The following NGRN variants were observed in gnomAD, a reference collection of about 807,000 sequenced individuals.
The protein encoded by NGRN is neugrin.
In NGRN, 12 loss-of-function variants were observed where a neutral mutation model predicts 13.1. The observed-to-expected ratio is 0.92, with a 90% CI of 0.59 to 1.49. The LOEUF (loss-of-function observed/expected upper bound fraction) is 1.49. Among genes scored for constraint, NGRN ranks in the 40% most tolerant of loss-of-function variants. The probability of loss-of-function intolerance (pLI) is 0.00; values close to 1 mark genes in which losing one functional copy is unlikely to be tolerated. For synonymous variants in NGRN, 149 were observed against 145.8 expected (o/e 1.02, Z -0.16); for missense variants, 397 against 357.0 (o/e 1.11, Z -0.90).
At chr15:90,266,564 C>T (rs1449317537) in intron 2 of NGRN, among the ~76,000 whole-genome samples, 166 bp downstream of exon 2, 1 of 152,140 alleles carries the variant, frequency 6.6e-6, no homozygotes, top group Admixed American at 6.5e-5. Flanking sequence ...ACTTCCCTAA[C>T]CCTGTCATTA....
intron 1 of NGRN, 62 bp from the exon 2 acceptor site, chr15:90,266,226 G>A: frequency 6.4e-7 from 1 of 1,559,944 alleles, no homozygotes; most frequent in South Asian, 1.2e-5. Flanking sequence ...TTTAGCCTGA[G>A]GCTCTTCAAA....
chr15:90,266,094 G>A, intron 1 of NGRN, 194 bp from the exon 2 acceptor site: 1 of 1,433,292 alleles, frequency 7.0e-7, no homozygotes. Flanking sequence ...AGAGAGTTCG[G>A]CATGCTTACA....
rs1336272952 is a variant in NGRN, at chr15:90,271,375, G to A, written c.463G>A (p.Gly155Ser). The change falls in exon 3 of 3, where the codon GGC becomes AGC. Residue 155 changes from glycine to serine, a missense_variant. Coordinates refer to ENST00000379095, the MANE Select transcript of NGRN (RefSeq NM_001033088.3). The part of the protein sequence containing the change: ...GLAHSLQHLR[G>S]SGNTSKLLPA... ...TGCCCACTCGCTGCAGCACCTCCGG[G>A]GCTCTGGAAATACCTCAAAGCTGCT... 7 of 1,613,882 alleles carry A rather than the reference G, an allele frequency of 4.3e-6. No individual in the cohort carries two copies. Among genetic ancestry groups the A allele is most frequent in the African/African-American group, 1.3e-5 (1 of 74,894 alleles).
chr15:90,266,229 T>C (rs1963417422), intron 1 of NGRN, 59 bp from the exon 2 acceptor site: 2 of 1,564,216 alleles, frequency 1.3e-6, no homozygotes, highest in South Asian at 2.3e-5. Context: ...AGCCTGAGGC[T>C]CTTCAAACAT....
In NGRN at chr15:90,271,676, G is replaced by A. The variant is rs576726062; in HGVS notation, c.764G>A (p.Gly255Asp). 3.7e-6 allele frequency: 6 copies of A among 1,614,204 alleles called. No individual in the cohort carries two copies. Among genetic ancestry groups the A allele is most frequent in the East Asian group, 4.5e-5 (2 of 44,880 alleles). Residue 255 changes from glycine to aspartate, a missense_variant, in exon 3 of 3, where the codon GGT (glycine) becomes GAT (aspartate). Physicochemically the swap from Gly to Asp is moderately conservative, Grantham distance 94 (BLOSUM62 -1). Transcript: ENST00000379095. ...RGTGSGALPSGQKLEELKAEE... is the reference protein window; with the variant it reads ...RGTGSGALPSDQKLEELKAEE... ...ACTGGCAGTGGTGCGTTGCCAAGTG[G>A]TCAGAAGCTGGAGGAGTTGAAGGCA... is the stretch of plus-strand genomic sequence containing the variant.
Position 90,271,615 on chromosome 15 carries a change from C to T in NGRN, c.703C>T (p.Gln235Ter). Residue 235 changes from glutamine (Q) to a stop codon, truncating the protein, a stop_gained, in exon 3 of 3, where the codon CAG (glutamine) becomes TAG (stop). Transcript: ENST00000379095. LOFTEE classifies it low-confidence loss of function (END_TRUNC). ...AAPLGHPREL[Q>*]KYSSDSESPR... The stretch of plus-strand genomic sequence containing the variant: ...ACCCCTAGGTCATCCAAGAGAGCTG[C>T]AGAAGTACTCCAGTGATTCTGAGAG... 1 of 1,614,172 alleles carries T rather than the reference C, an allele frequency of 6.2e-7. No homozygotes were observed. Among genetic ancestry groups the T allele is most frequent in the Non-Finnish European group, 8.5e-7 (1 of 1,180,046 alleles).
At chr15:90,271,108 C>A in intron 2 of NGRN, 80 bp from the exon 3 acceptor site, 1 of 1,505,506 alleles carries the variant, frequency 6.6e-7, no homozygotes, top group Non-Finnish European at 9.0e-7. Context: ...AACCCCTCTT[C>A]TTTATCATAG....
chr15:90,271,065 G>C, intron 2 of NGRN, 123 bp from the exon 3 acceptor site: 1 of 1,136,656 alleles, frequency 8.8e-7, no homozygotes, highest in Non-Finnish European at 1.3e-6. Context: ...CAGAGTTCTG[G>C]GATTACAGGT....
rs566806950 is a variant in NGRN at position 90,272,180 on chromosome 15, C to T, written c.*392C>T. The stretch of plus-strand genomic sequence containing the variant: ...GGGACAACTTAGTCAATTGGTTTTC[C>T]TTACAACAAAATAAAGTAAAATGTA... On this transcript the variant is annotated 3_prime_UTR_variant, in exon 3 of 3. Coordinates refer to ENST00000379095, the MANE Select transcript of NGRN (RefSeq NM_001033088.3). The T allele has an allele frequency of 9.7e-5, 20 of 205,632 alleles. No individual in the cohort carries two copies. In the South Asian group the frequency reaches 2.0e-3, roughly 20 times the overall value. The allele number at this position is 205,632 out of a possible 1,614,324, so 12.7% of individuals were successfully genotyped here.
rs1963499038 is a variant in NGRN at position 90,271,321 on chromosome 15, G to T, written c.409G>T (p.Asp137Tyr). 1.2e-6 allele frequency: 2 copies of T among 1,614,060 alleles called. No homozygotes were observed. The highest frequency in any genetic ancestry group is 4.5e-5 in the East Asian group (2 of 44,884). Residue 137 changes from aspartate to tyrosine, a missense_variant, in exon 3 of 3, where the codon GAT (aspartate) becomes TAT (tyrosine). By Grantham distance (160) the Asp-to-Tyr change is radical. Transcript: ENST00000379095. ...LPTLEQKLKQ[D>Y]QKVLKKAGLA... ...CACATTGGAGCAGAAGCTGAAGCAG[G>T]ATCAAAAAGTCCTTAAGAAAGCTGG...
intron 2 of NGRN, among the ~76,000 whole-genome samples, chr15:90,269,162 A>ATTTT (rs34266380): frequency 3.3e-5 from 3 of 89,618 alleles, no homozygotes; most frequent in African/African-American, 1.1e-4. Context: ...TACCTGGCTA[A>ATTTT]TTTTTTTTTT....
At position 90,271,521 on chromosome 15, in the gene NGRN, A is replaced by G. The variant is rs1278326531; in HGVS notation, c.609A>G (p.Thr203=). The G allele has an allele frequency of 2.5e-6, 4 of 1,614,072 alleles. No individual in the cohort carries two copies. In the South Asian group the frequency reaches 4.4e-5, roughly 18 times the overall value. The change falls in exon 3 of 3, where the codon ACA becomes ACG. Residue 203 remains threonine (T), a synonymous_variant. Transcript: ENST00000379095. The part of the protein sequence containing the change: ...VIESDTHRTN[T]PRRRKGRNKE... ...AGTCAGACACTCACAGGACAAATAC[A>G]CCAAGGAGAAGGAAGGGAAGAAATA... is the stretch of plus-strand genomic sequence containing the variant.
intron 2 of NGRN, among the ~76,000 whole-genome samples, chr15:90,268,953 C>CCCG (rs1567083007): frequency 3.4e-5 from 3 of 88,162 alleles, no homozygotes; most frequent in African/African-American, 8.0e-5. Flanking sequence ...CCCACCCCCC[C>CCCG]CCCCCCATTA....
intron 2 of NGRN, among the ~76,000 whole-genome samples, chr15:90,270,063 T>C (rs1852790335): frequency 6.6e-6 from 1 of 152,152 alleles, no homozygotes; most frequent in African/African-American, 2.4e-5. Flanking sequence ...GTTGAATTCC[T>C]TTTTTTCTTT....
intron 1 of NGRN, 190 bp downstream of exon 1, chr15:90,266,066 G>T (rs1963413351): frequency 3.5e-6 from 5 of 1,423,268 alleles, no homozygotes; most frequent in Non-Finnish European, 4.6e-6. Flanking sequence ...CATTAGTGAC[G>T]TATTTCATCA....
intron 2 of NGRN, 34 bp downstream of exon 2, chr15:90,266,432 T>C: frequency 6.5e-7 from 1 of 1,544,564 alleles, no homozygotes; most frequent in South Asian, 1.2e-5. Flanking sequence ...GTATCCGCTG[T>C]GATGAGAAGT....
chr15:90,271,048 G>T (rs759115319), intron 2 of NGRN, 140 bp from the exon 3 acceptor site: 1 of 964,132 alleles, frequency 1.0e-6, no homozygotes. Flanking sequence ...CGCCTATCTC[G>T]GCCTCTCAGA....
At position 90,265,710 on chromosome 15, in the gene NGRN, G is replaced by C. The variant is rs776319408; in HGVS notation, c.-3G>C. On this transcript the variant is annotated 5_prime_UTR_variant, in exon 1 of 3. Coordinates refer to ENST00000379095, the MANE Select transcript of NGRN (RefSeq NM_001033088.3). ...CGACTGCTGAAGGCTGGTTTGCGTC[G>C]ACATGGCGGTTACCCTGAGTCTCTT... is the stretch of plus-strand genomic sequence containing the variant. The C allele has an allele frequency of 6.2e-7, 1 of 1,613,210 alleles. No homozygotes were observed. Among genetic ancestry groups the C allele is most frequent in the Non-Finnish European group, 8.5e-7 (1 of 1,179,840 alleles).
In NGRN at chr15:90,271,527, G is replaced by T. The variant is rs1244517219; in HGVS notation, c.615G>T (p.Arg205Ser). ...ESDTHRTNTPRRRKGRNKEIQ... is the reference protein window; with the variant it reads ...ESDTHRTNTPSRRKGRNKEIQ... ...ACACTCACAGGACAAATACACCAAG[G>T]AGAAGGAAGGGAAGAAATAAAGAAA... The change falls in exon 3 of 3, where the codon AGG becomes AGT. Residue 205 changes from arginine (R) to serine (S), a missense_variant. Arg to Ser is a moderately radical substitution (Grantham distance 110, BLOSUM62 -1). Coordinates refer to ENST00000379095, the MANE Select transcript of NGRN (RefSeq NM_001033088.3). The T allele has an allele frequency of 1.2e-6, 2 of 1,614,070 alleles. No homozygotes were observed. Among genetic ancestry groups the T allele is most frequent in the Non-Finnish European group, 1.7e-6 (2 of 1,180,032 alleles).
Sources: gnomAD v4.1 joint callset for allele counts (sites outside exome capture counted in the v4.1 genomes callset) on GRCh38, gnomAD v4.1.1 for gene constraint, MANE v1.5 for transcripts, NCBI Gene and HGNC (gene_info 2026-07-23, HGNC 2026-07-21) for gene names.